Variants in STIM2 observed in about 807,000 individuals in gnomAD.
STIM2 encodes the protein stromal interaction molecule 2.
In STIM2, 31 loss-of-function variants were observed where a neutral mutation model predicts 85.8. That is an observed-to-expected ratio of 0.36 (90% CI 0.27 to 0.49). The LOEUF (loss-of-function observed/expected upper bound fraction) is 0.49, where lower values mean the gene tolerates loss of function less well. Among genes scored for constraint, STIM2 ranks in the 20% least tolerant of loss-of-function variants. The pLI is 0.98. For missense variants in STIM2, 841 were observed against 927.6 expected (o/e 0.91, Z 1.21); for synonymous variants, 356 against 331.1 (o/e 1.08, Z -0.82).
intron 10 of STIM2, among the ~76,000 whole-genome samples, chr4:27,009,376 A>G (rs1374310546): frequency 6.6e-6 from 1 of 152,182 alleles, no homozygotes; most frequent in Non-Finnish European, 1.5e-5. Flanking sequence ...TAAAAACATA[A>G]TTGACAGTAA....
chr4:26,866,864 T>C (rs1285204592), intron 1 of STIM2, among the ~76,000 whole-genome samples: 3 of 152,242 alleles, frequency 2.0e-5, no homozygotes, highest in African/African-American at 7.2e-5. Context: ...ACATATATTT[T>C]AATTTTTAAG....
intron 3 of STIM2, among the ~76,000 whole-genome samples, chr4:26,988,884 A>AAT (rs1443216297): frequency 3.9e-5 from 6 of 152,204 alleles, no homozygotes; most frequent in Admixed American, 3.9e-4. Context: ...TTTTATTAAT[A>AAT]AATACCAACT....
At chr4:26,936,618 C>G (rs979807236) in intron 2 of STIM2, among the ~76,000 whole-genome samples, 3 of 152,070 alleles carry the variant, frequency 2.0e-5, no homozygotes, top group African/African-American at 7.2e-5. Context: ...AGTTAAACAC[C>G]ATAACATAGT....
chr4:26,952,456 A>C (rs1397754535), intron 2 of STIM2, among the ~76,000 whole-genome samples: 1 of 152,186 alleles, frequency 6.6e-6, no homozygotes, highest in Non-Finnish European at 1.5e-5. Context: ...GATTTACAAT[A>C]AAATAGTTGA....
At chr4:27,006,280 CACTA>C (rs1483175133) in intron 7 of STIM2, among the ~76,000 whole-genome samples, 3 of 152,266 alleles carry the variant, frequency 2.0e-5, no homozygotes, top group Admixed American at 6.5e-5. Flanking sequence ...TTTGTTTTCA[CACTA>C]ACTGACAGCT....
chr4:26,900,563 T>G (rs1174962572), intron 1 of STIM2, among the ~76,000 whole-genome samples: 1 of 152,178 alleles, frequency 6.6e-6, no homozygotes, highest in Non-Finnish European at 1.5e-5. Context: ...GGCTTTGTAC[T>G]AGAAATTCAG....
At chr4:26,911,981 A>G (rs1412056853) in intron 1 of STIM2, among the ~76,000 whole-genome samples, 1 of 152,226 alleles carries the variant, frequency 6.6e-6, no homozygotes, top group Admixed American at 6.5e-5. Context: ...GAGAAGGAAG[A>G]CATTATTCAC....
chr4:26,873,404 A>C lies in STIM2; in HGVS notation c.151+12035A>C, dbSNP rs1357677305. On this transcript the variant is annotated intron_variant, in intron 1 of 11. Coordinates refer to ENST00000467087, the MANE Select transcript of STIM2 (RefSeq NM_020860.4). ...GACAGAGTGAGACTCCGTCTTTAAA[A>C]AAAAAAAAAAAGTCCTTTCCATTCT... 2.6e-5 allele frequency among the ~76,000 whole-genome samples: 4 copies of C among 152,174 alleles called. No individual in the cohort carries two copies. The East Asian group carries it at 7.7e-4, about 29-fold the overall frequency.
chr4:26,986,224 G>A (rs983019596), intron 3 of STIM2, among the ~76,000 whole-genome samples: 1 of 152,176 alleles, frequency 6.6e-6, no homozygotes, highest in Non-Finnish European at 1.5e-5. Context: ...TGTAAAGCAT[G>A]TAGCAGAGTT....
intron 3 of STIM2, among the ~76,000 whole-genome samples, chr4:26,972,776 C>T (rs1727012783): frequency 6.6e-6 from 1 of 152,220 alleles, no homozygotes; most frequent in African/African-American, 2.4e-5. Context: ...GGGAGGATTC[C>T]CTCTTTTCCT....
At chr4:27,006,759 A>G (rs1015915484) in intron 7 of STIM2, among the ~76,000 whole-genome samples, 3 of 152,170 alleles carry the variant, frequency 2.0e-5, no homozygotes, top group Non-Finnish European at 4.4e-5. Context: ...ATACTATGAC[A>G]TCGTTATACT....
intron 2 of STIM2, among the ~76,000 whole-genome samples, chr4:26,929,109 A>G (rs547312456): frequency 6.6e-6 from 1 of 152,178 alleles, no homozygotes; most frequent in African/African-American, 2.4e-5. Flanking sequence ...ATAATATTAA[A>G]TATCTAATTT....
chr4:26,943,702 A>G (rs1725706355), intron 2 of STIM2, among the ~76,000 whole-genome samples: 1 of 152,096 alleles, frequency 6.6e-6, no homozygotes, highest in Admixed American at 6.6e-5. Flanking sequence ...TTCTCAGTGG[A>G]TGGGGCTAAG....
intron 1 of STIM2, among the ~76,000 whole-genome samples, chr4:26,866,223 C>T (rs144259669): frequency 1.7e-4 from 26 of 152,240 alleles, no homozygotes; most frequent in African/African-American, 5.5e-4. Context: ...TTGTTGCTGT[C>T]TTTATCTTCA....
At chr4:26,950,109 T>C (rs1725990513) in intron 2 of STIM2, among the ~76,000 whole-genome samples, 1 of 152,164 alleles carries the variant, frequency 6.6e-6, no homozygotes, top group South Asian at 2.1e-4. Context: ...TAATCTTATC[T>C]GCAATATATT....
intron 3 of STIM2, among the ~76,000 whole-genome samples, chr4:26,980,149 A>G (rs1406330436): frequency 6.6e-6 from 1 of 152,336 alleles, no homozygotes; most frequent in East Asian, 1.9e-4. Flanking sequence ...GACTAAAGGC[A>G]TGTATAAATT....
chr4:26,956,570 C>T (rs753177650), intron 2 of STIM2, among the ~76,000 whole-genome samples: 3 of 151,540 alleles, frequency 2.0e-5, no homozygotes, highest in Non-Finnish European at 2.9e-5. Context: ...CAGCCTATCT[C>T]TCTCTATATT....
At chr4:26,908,584 A>G (rs1048726606) in intron 1 of STIM2, among the ~76,000 whole-genome samples, 3 of 152,176 alleles carry the variant, frequency 2.0e-5, no homozygotes, top group African/African-American at 7.2e-5. Context: ...CTTGGGTTCA[A>G]GCGATTCTCC....
intron 4 of STIM2, among the ~76,000 whole-genome samples, chr4:26,997,979 CA>C (rs201915867): frequency 0.021 from 3,244 of 152,234 alleles, 58 homozygotes; most frequent in Non-Finnish European, 0.032. Context: ...TGGAATCGTA[CA>C]TATTTGGGTT....
Sources: gnomAD v4.1 joint callset for allele counts (sites outside exome capture counted in the v4.1 genomes callset) on GRCh38, gnomAD v4.1.1 for gene constraint, MANE v1.5 for transcripts, NCBI Gene and HGNC (gene_info 2026-07-23, HGNC 2026-07-21) for gene names.